Variants in SYNE2 observed in about 807,000 individuals in gnomAD.
SYNE2 encodes nesprin-2.
A neutral mutation model predicts 856.3 loss-of-function variants in SYNE2; 431 were observed. The ratio of observed to expected loss-of-function variants is 0.50; its 90% CI spans 0.47 to 0.55. The LOEUF is 0.55. Among genes scored for constraint, SYNE2 ranks in the 20% least tolerant of loss-of-function variants. The pLI is 0.00. For synonymous variants in SYNE2, 2,923 were observed against 2,872.3 expected, an observed-to-expected ratio of 1.02 and a Z score of -0.56; for missense variants, 8,129 against 8,023.2, an observed-to-expected ratio of 1.01 and a Z score of -0.50.
chr14:64,056,749 C>T (rs936467037), intron 49 of SYNE2, among the ~76,000 whole-genome samples: 51 of 151,916 alleles, frequency 3.4e-4, no homozygotes, highest in African/African-American at 1.2e-3. Flanking sequence ...TGGCTCACTG[C>T]AACCTCCGCC....
intron 57 of SYNE2, among the ~76,000 whole-genome samples, chr14:64,086,379 T>C (rs944510180): frequency 6.6e-6 from 1 of 152,240 alleles, no homozygotes; most frequent in Non-Finnish European, 1.5e-5. Context: ...CTTTCACCAA[T>C]ATGACAGTCT....
rs2097779316 is a variant in SYNE2 at position 64,107,513 on chromosome 14, C to T, written c.12515C>T (p.Thr4172Ile). The T allele has an allele frequency of 6.2e-7, 1 of 1,613,988 alleles. No individual in the cohort carries two copies. The highest frequency in any genetic ancestry group is 1.3e-5 in the African/African-American group (1 of 74,896). Residue 4172 changes from threonine to isoleucine, a missense_variant, in exon 65 of 116, where the codon ACC (threonine) becomes ATC (isoleucine). Physicochemically the swap from Thr to Ile is moderately conservative, Grantham distance 89. Transcript: ENST00000555002. ...IVQEAYGKIS[T>I]SDNSMAQILT... ...CAGGAAGCATATGGGAAAATAAGCA[C>T]CTCTGATAATTCCATGGCACAAATC...
rs139001736 is a variant in SYNE2, at chr14:64,097,848, C to A, written c.12109-101C>A. The stretch of plus-strand genomic sequence containing the variant: ...GCTTCTGGCTTTGTAAACCAAATAG[C>A]AAAGAAAAATCTTCAGCCCTTGTAC... On this transcript the variant is annotated intron_variant, in intron 61 of 115. Transcript: ENST00000555002. 16 of 1,204,268 alleles carry A rather than the reference C, an allele frequency of 1.3e-5. No individual in the cohort carries two copies. In the East Asian group the frequency reaches 3.7e-4, roughly 28 times the overall value. The allele number at this position is 1,204,268 out of a possible 1,614,324, so 74.6% of individuals were successfully genotyped here. A position where few individuals can be genotyped will look rare whatever the true frequency, so the allele number is the denominator to read the frequency against.
chr14:64,205,367 G>T (rs1040509983), intron 100 of SYNE2, among the ~76,000 whole-genome samples: 1 of 152,138 alleles, frequency 6.6e-6, no homozygotes. Flanking sequence ...GGAAACAAAT[G>T]TGTCACACAA....
At chr14:63,926,702 AT>A (rs1243907566) in intron 2 of SYNE2, among the ~76,000 whole-genome samples, 5 of 152,228 alleles carry the variant, frequency 3.3e-5, no homozygotes, top group Admixed American at 2.0e-4. Flanking sequence ...TATTGTCCCC[AT>A]TTTCAAATAA....
intron 99 of SYNE2, among the ~76,000 whole-genome samples, chr14:64,198,411 G>GTGATAATTAGAT (rs1222933612): frequency 6.6e-6 from 1 of 152,248 alleles, no homozygotes; most frequent in African/African-American, 2.4e-5. Flanking sequence ...CCTGGGACAG[G>GTGATAATTAGAT]TGATAATTAG....
intron 61 of SYNE2, among the ~76,000 whole-genome samples, 196 bp from the exon 62 acceptor site, chr14:64,097,753 T>A (rs1274316558): frequency 6.6e-6 from 1 of 152,204 alleles, no homozygotes; most frequent in East Asian, 1.9e-4. Flanking sequence ...ATCCTATAGC[T>A]TATAAACCCT....
At chr14:63,996,803 C>G in intron 23 of SYNE2, 144 bp from the exon 24 acceptor site, 1 of 778,548 alleles carries the variant, frequency 1.3e-6, no homozygotes, top group Non-Finnish European at 2.1e-6. Flanking sequence ...ATCTTTTTTT[C>G]TCTAGCGCCT....
chr14:64,062,699 A>G (rs1360600765), intron 49 of SYNE2, 52 bp from the exon 50 acceptor site: 1 of 1,489,182 alleles, frequency 6.7e-7, no homozygotes, highest in African/African-American at 1.4e-5. Flanking sequence ...TTTTGAATTT[A>G]TTGTGTTAAA....
chr14:63,853,947 T>C (rs1455866819), intron 1 of SYNE2, among the ~76,000 whole-genome samples: 1 of 152,194 alleles, frequency 6.6e-6, no homozygotes, highest in Non-Finnish European at 1.5e-5. Context: ...ATGGAATCAG[T>C]GCTGCTGGGA....
intron 2 of SYNE2, among the ~76,000 whole-genome samples, chr14:63,938,292 A>T (rs1250099196): frequency 6.6e-6 from 1 of 152,124 alleles, no homozygotes; most frequent in Non-Finnish European, 1.5e-5. Flanking sequence ...CCATCTCTAC[A>T]AAAAATTTAA....
At chr14:64,066,977 T>C (rs1039780620) in intron 51 of SYNE2, among the ~76,000 whole-genome samples, 1 of 152,218 alleles carries the variant, frequency 6.6e-6, no homozygotes, top group African/African-American at 2.4e-5. Context: ...CTGCGCTTAG[T>C]GGGCACTTAG....
At chr14:64,165,248 T>G in intron 89 of SYNE2, 37 bp from the exon 90 acceptor site, 1 of 1,605,814 alleles carries the variant, frequency 6.2e-7, no homozygotes, top group Non-Finnish European at 8.5e-7. Context: ...TATATGTACA[T>G]GAAAATAGTT....
At chr14:64,178,559 G>A (rs1463186292) in intron 96 of SYNE2, among the ~76,000 whole-genome samples, 2 of 151,584 alleles carry the variant, frequency 1.3e-5, no homozygotes, top group Non-Finnish European at 1.5e-5. Flanking sequence ...CCAAGCTCAA[G>A]CGATCCTCCT....
Position 64,021,957 on chromosome 14 carries a change from A to T in SYNE2, c.5453A>T (p.Tyr1818Phe). 6.2e-7 allele frequency: 1 copy of T among 1,613,874 alleles called. No individual in the cohort carries two copies. Residue 1818 changes from tyrosine (Y) to phenylalanine (F), a missense_variant, in exon 37 of 116, where the codon TAT becomes TTT. Tyr to Phe is a conservative substitution (Grantham distance 22, BLOSUM62 3). This residue lies in a region of SYNE2 where 2,422 missense variants were observed against 2,357.4 expected (regional missense o/e 1.03). Coordinates refer to ENST00000555002, the MANE Select transcript of SYNE2 (RefSeq NM_182914.3). ...GAACTCTCTGAATTGAAAAAGCAATATGAAAGTGTCAGTGATTTATTTAAT... is the reference window on the plus strand; with the variant it reads ...GAACTCTCTGAATTGAAAAAGCAATTTGAAAGTGTCAGTGATTTATTTAAT... ...TPELSELKKQ[Y>F]ESVSDLFNTK...
At position 64,202,058 on chromosome 14, in the gene SYNE2, T is replaced by C. The variant is rs2098571828; in HGVS notation, c.18039-743T>C. ...GGACGTGCACGCCAAGTTGTACTCA[T>C]GCCATGCGTGTGCTTTCAAATCTGC... is the stretch of plus-strand genomic sequence containing the variant. On this transcript the variant is annotated intron_variant, in intron 99 of 115. Coordinates refer to ENST00000555002, the MANE Select transcript of SYNE2 (RefSeq NM_182914.3). 9.3e-6 allele frequency: 6 copies of C among 642,894 alleles called. No homozygotes were observed. In the East Asian group the frequency reaches 1.6e-4, roughly 18 times the overall value. 39.8% of individuals were successfully genotyped at this position (642,894 alleles called of 1,614,324 possible).
intron 65 of SYNE2, among the ~76,000 whole-genome samples, chr14:64,110,590 C>CCCT (rs2097797988): frequency 5.9e-5 from 1 of 16,910 alleles, no homozygotes; most frequent in African/African-American, 1.4e-4. Context: ...CTTTTTACAC[C>CCCT]CCCCCCCCCC....
chr14:63,903,228 A>G (rs899774478), intron 1 of SYNE2, among the ~76,000 whole-genome samples: 9 of 152,218 alleles, frequency 5.9e-5, no homozygotes, highest in Non-Finnish European at 1.2e-4. Flanking sequence ...TAATTGTGCT[A>G]TGACAGTATT....
At chr14:64,025,625 T>C (rs2096971742) in intron 41 of SYNE2, among the ~76,000 whole-genome samples, 1 of 152,230 alleles carries the variant, frequency 6.6e-6, no homozygotes, top group African/African-American at 2.4e-5. Context: ...ACAGAAAGCA[T>C]GTCCTGTCTT....
Sources: gnomAD v4.1 joint callset for allele counts (sites outside exome capture counted in the v4.1 genomes callset) on GRCh38, gnomAD v4.1.1 for gene constraint, gnomAD v4.1.1 regional missense constraint, MANE v1.5 for transcripts, NCBI Gene and HGNC (gene_info 2026-07-23, HGNC 2026-07-21) for gene names.